Variants in RUNX1T1 observed in about 807,000 individuals in gnomAD.
RUNX1T1 encodes the protein RUNX1 partner transcriptional co-repressor 1.
RUNX1T1 carries 4 observed loss-of-function variants against 62.8 expected under a neutral mutation model. The observed-to-expected ratio is 0.06, with a 90% CI of 0.03 to 0.15. RUNX1T1 has a LOEUF of 0.15. RUNX1T1 is among the 10% of genes least tolerant of loss of function. RUNX1T1 has a pLI of 1.00. For synonymous variants in RUNX1T1, 291 were observed against 286.0 expected, an observed-to-expected ratio of 1.02 and a Z score of -0.18; for missense variants, 508 against 754.3, an observed-to-expected ratio of 0.67 and a Z score of 3.82.
upstream of RUNX1T1, among the ~76,000 whole-genome samples, chr8:92,100,146 T>C (rs944236402): frequency 6.6e-6 from 1 of 152,198 alleles, no homozygotes; most frequent in African/African-American, 2.4e-5. Context: ...AGAATGATTT[T>C]TATTAGAAAG....
chr8:91,998,435 A>G (rs770273975), intron 5 of RUNX1T1, among the ~76,000 whole-genome samples: 1 of 152,170 alleles, frequency 6.6e-6, no homozygotes, highest in Admixed American at 6.6e-5. Flanking sequence ...TAATCTCTCC[A>G]TTGCTAAACA....
chr8:92,011,544 T>C (rs1821930088), intron 3 of RUNX1T1, among the ~76,000 whole-genome samples: 1 of 152,228 alleles, frequency 6.6e-6, no homozygotes, highest in Non-Finnish European at 1.5e-5. Context: ...AATATTCTTC[T>C]CCTCCTCCTG....
intron 1 of RUNX1T1, among the ~76,000 whole-genome samples, chr8:92,043,396 T>C (rs1828813011): frequency 6.6e-6 from 1 of 151,176 alleles, no homozygotes; most frequent in Admixed American, 6.6e-5. Context: ...AAAGTATATA[T>C]ACTAAGGAAG....
intron 2 of RUNX1T1, among the ~76,000 whole-genome samples, chr8:92,016,180 C>T (rs758371675): frequency 1.3e-5 from 2 of 152,150 alleles, no homozygotes; most frequent in Non-Finnish European, 2.9e-5. Flanking sequence ...ACAATTTCAA[C>T]CAGGACTTTG....
chr8:91,989,226 A>G (rs996158973), intron 6 of RUNX1T1, among the ~76,000 whole-genome samples: 1 of 152,212 alleles, frequency 6.6e-6, no homozygotes, highest in Non-Finnish European at 1.5e-5. Flanking sequence ...TACACATAAT[A>G]GGCATTTATA....
chr8:92,102,894 G>A (rs763911320), upstream of RUNX1T1: 3 of 1,518,266 alleles, frequency 2.0e-6, no homozygotes, highest in Non-Finnish European at 1.8e-6. This position sits in a 1 kb window ranked among gnomAD's most constrained non-coding sequence, Gnocchi z 4.5. Context: ...TCCGCCACAG[G>A]CTCCGAGCTG....
At chr8:92,094,817 C>T (rs1252172170) in intron 1 of RUNX1T1, among the ~76,000 whole-genome samples, 3 of 152,086 alleles carry the variant, frequency 2.0e-5, no homozygotes. Context: ...TTCTCTAGCC[C>T]TTCCTTCCAC....
At chr8:92,004,883 A>G in intron 5 of RUNX1T1, 1 of 421,538 alleles carries the variant, frequency 2.4e-6, no homozygotes, top group East Asian at 3.9e-5. Flanking sequence ...TTTCGCTTTA[A>G]TACTACAAGC....
intron 8 of RUNX1T1, chr8:91,979,802 A>G (rs1382845794): frequency 1.9e-6 from 1 of 529,864 alleles, no homozygotes; most frequent in Non-Finnish European, 3.7e-6. Flanking sequence ...ATTGGATACT[A>G]GATACTGCAA....
chr8:92,005,771 CT>C (rs1422660032), intron 4 of RUNX1T1: 1 of 152,696 alleles, frequency 6.5e-6, no homozygotes, highest in Non-Finnish European at 1.5e-5. Flanking sequence ...CAGAAAATAT[CT>C]TTTGTCAAGT....
chr8:92,065,726 CT>C (rs1158698042), upstream of RUNX1T1, among the ~76,000 whole-genome samples: 3 of 152,214 alleles, frequency 2.0e-5, no homozygotes, highest in Non-Finnish European at 2.9e-5. Flanking sequence ...GACCAGCAGT[CT>C]ACTGACATGG....
intron 5 of RUNX1T1, among the ~76,000 whole-genome samples, chr8:92,001,592 A>G (rs1348940796): frequency 6.6e-6 from 1 of 152,228 alleles, no homozygotes; most frequent in East Asian, 1.9e-4. Flanking sequence ...ATGGCATATA[A>G]GAAGGGGATT....
intron 8 of RUNX1T1, among the ~76,000 whole-genome samples, chr8:91,978,393 G>A (rs1814453044): frequency 1.3e-5 from 2 of 152,036 alleles, no homozygotes; most frequent in South Asian, 2.1e-4. Flanking sequence ...CCATTATCTG[G>A]TACTTGCTAT....
At chr8:91,986,381 T>A in intron 7 of RUNX1T1, 56 bp from the exon 9 acceptor site, 1 of 1,389,646 alleles carries the variant, frequency 7.2e-7, no homozygotes, top group Non-Finnish European at 1.0e-6. Flanking sequence ...AATTAAAGAT[T>A]TTGCTGAGTA....
At chr8:91,993,008 A>C (rs1187787969) in intron 5 of RUNX1T1, among the ~76,000 whole-genome samples, 2 of 152,210 alleles carry the variant, frequency 1.3e-5, no homozygotes. Context: ...CACTGCTCCC[A>C]AACTTACTTT....
chr8:92,068,724 G>A (rs1217626519), intron 2 of RUNX1T1, among the ~76,000 whole-genome samples: 1 of 151,992 alleles, frequency 6.6e-6, no homozygotes, highest in Non-Finnish European at 1.5e-5. Context: ...AATAACCTAA[G>A]GAAAACAATA....
chr8:91,957,925 A>G (rs4500123), downstream of RUNX1T1: 26,859 of 221,482 alleles, frequency 0.12, 2,121 homozygotes, highest in African/African-American at 0.24. Context: ...TCATTTAAAA[A>G]AAATAACACC....
chr8:92,077,562 C>T (rs1275779298), intron 1 of RUNX1T1, among the ~76,000 whole-genome samples: 1 of 151,896 alleles, frequency 6.6e-6, no homozygotes, highest in Non-Finnish European at 1.5e-5. Context: ...TCCAATGTTT[C>T]TGTACAAAGG....
rs867368890 is a variant in RUNX1T1 at position 92,051,420 on chromosome 8, G to T, written c.7+11126C>A. Among the ~76,000 whole-genome samples the T allele has an allele frequency of 3.5e-4, 53 of 151,896 alleles. No homozygotes were observed. In the Middle Eastern group the frequency reaches 0.01, roughly 29 times the overall value. ...ACGTGAAATAACAAAGTAGTACATGGTTTCAAATAAGAAAAAAAATTTAAA... is the reference window on the plus strand; with the variant it reads ...ACGTGAAATAACAAAGTAGTACATGTTTTCAAATAAGAAAAAAAATTTAAA... On this transcript the variant is annotated intron_variant, in intron 1 of 10. Coordinates refer to ENST00000396218, the Ensembl canonical transcript of RUNX1T1.
Sources: allele counts gnomAD v4.1 joint callset (sites outside exome capture counted in the v4.1 genomes callset), GRCh38; gene constraint gnomAD v4.1.1; non-coding constraint Gnocchi (gnomAD v3.1); transcripts MANE v1.5; gene names NCBI Gene and HGNC (gene_info 2026-07-23, HGNC 2026-07-21).